Variants in GFRA1 observed in about 807,000 individuals in gnomAD.
GFRA1 encodes the protein GDNF family receptor alpha 1.
Under a neutral mutation model 51.6 loss-of-function variants are expected in GFRA1, and 16 were observed. That is an observed-to-expected ratio of 0.31 (90% CI 0.21 to 0.47). The LOEUF (loss-of-function observed/expected upper bound fraction) is 0.47, where lower values mean the gene tolerates loss of function less well. Ranked by LOEUF, GFRA1 falls within the 20% of genes least tolerant of loss-of-function variation. The pLI, the probability that GFRA1 is intolerant of heterozygous loss-of-function variation, is 1.00. For synonymous variants in GFRA1, 270 were observed against 241.3 expected, an observed-to-expected ratio of 1.12 and a Z score of -1.10; for missense variants, 530 against 594.3, an observed-to-expected ratio of 0.89 and a Z score of 1.13.
At chr10:116,197,223 C>G (rs1303403244) in intron 5 of GFRA1, among the ~76,000 whole-genome samples, 1 of 152,052 alleles carries the variant, frequency 6.6e-6, no homozygotes, top group Admixed American at 6.6e-5. Flanking sequence ...GAAGCAGAGC[C>G]TTCAGGAATG....
intron 5 of GFRA1, among the ~76,000 whole-genome samples, chr10:116,143,370 T>TAC (rs1352209984): frequency 6.6e-6 from 1 of 151,014 alleles, no homozygotes; most frequent in Non-Finnish European, 1.5e-5. Flanking sequence ...TTGAAGACTC[T>TAC]ACTACAGAGG....
chr10:116,065,429 G>T, intron 10 of GFRA1, 144 bp downstream of exon 10: 1 of 702,088 alleles, frequency 1.4e-6, no homozygotes, highest in Non-Finnish European at 2.6e-6. Flanking sequence ...TGCTCAAAGG[G>T]CAGACGGTCA....
At chr10:116,185,895 A>T (rs957266971) in intron 5 of GFRA1, among the ~76,000 whole-genome samples, 1 of 152,230 alleles carries the variant, frequency 6.6e-6, no homozygotes, top group Non-Finnish European at 1.5e-5. Flanking sequence ...GACTGGATTG[A>T]TATCTAGGCA....
At chr10:116,117,452 T>G (rs1043396708) in intron 6 of GFRA1, among the ~76,000 whole-genome samples, 1 of 151,390 alleles carries the variant, frequency 6.6e-6, no homozygotes, top group South Asian at 2.1e-4. Context: ...TGACTGTGTG[T>G]GTGCTTGCCT....
chr10:116,069,151 T>C (rs1057179622), intron 9 of GFRA1, among the ~76,000 whole-genome samples: 1 of 152,192 alleles, frequency 6.6e-6, no homozygotes, highest in Admixed American at 6.5e-5. Context: ...CACCATGCCT[T>C]ACAGTTTGTG....
chr10:116,161,189 A>G (rs559769098), intron 5 of GFRA1, among the ~76,000 whole-genome samples: 1 of 152,214 alleles, frequency 6.6e-6, no homozygotes, highest in South Asian at 2.1e-4. Flanking sequence ...ATCTTGAAGC[A>G]CAGTCTGGGA....
At chr10:116,120,459 C>T (rs1957597492) in intron 6 of GFRA1, among the ~76,000 whole-genome samples, 1 of 152,058 alleles carries the variant, frequency 6.6e-6, no homozygotes, top group African/African-American at 2.4e-5. Context: ...GTAGCATGCA[C>T]CTGTAGTCCC....
chr10:116,238,280 A>G (rs1384710526), intron 4 of GFRA1, among the ~76,000 whole-genome samples: 1 of 152,096 alleles, frequency 6.6e-6, no homozygotes, highest in African/African-American at 2.4e-5. Flanking sequence ...CTGCCAGGTA[A>G]CCTCCCAGTG....
Position 116,244,174 on chromosome 10 carries a change from A to G in GFRA1, c.418+25329T>C, listed in dbSNP as rs1565675854. ...AGATATGGGAGAATCTTTCAGATTGATCTATTACGGATCTATTGATCTATT... is the reference window on the plus strand; with the variant it reads ...AGATATGGGAGAATCTTTCAGATTGGTCTATTACGGATCTATTGATCTATT... On this transcript the variant is annotated intron_variant, in intron 4 of 10. Coordinates refer to ENST00000355422, the MANE Select transcript of GFRA1 (RefSeq NM_005264.8). Among the ~76,000 whole-genome samples, 4 of 144,678 alleles carry G rather than the reference A, an allele frequency of 2.8e-5. No homozygotes were observed. The South Asian group carries it at 8.5e-4, about 31-fold the overall frequency. The allele number at this position is 144,678 out of a possible 152,430, so 94.9% of individuals were successfully genotyped here.
chr10:116,255,173 G>C (rs767256112), intron 4 of GFRA1, among the ~76,000 whole-genome samples: 46 of 152,236 alleles, frequency 3.0e-4, no homozygotes, highest in African/African-American at 1.1e-3. Flanking sequence ...AACAAATGTC[G>C]ACAAGATATA....
intron 9 of GFRA1, among the ~76,000 whole-genome samples, chr10:116,087,870 T>G (rs1956162383): frequency 6.6e-6 from 1 of 152,160 alleles, no homozygotes; most frequent in South Asian, 2.1e-4. Flanking sequence ...GCTCTGAAAC[T>G]CGGCCTCGCT....
intron 8 of GFRA1, among the ~76,000 whole-genome samples, chr10:116,091,081 G>A (rs979683028): frequency 6.6e-6 from 1 of 152,166 alleles, no homozygotes; most frequent in Non-Finnish European, 1.5e-5. Context: ...ATGCCCAGAA[G>A]AACCACCACT....
At chr10:116,212,235 T>C (rs555420853) in intron 4 of GFRA1, among the ~76,000 whole-genome samples, 4 of 152,032 alleles carry the variant, frequency 2.6e-5, no homozygotes, top group Non-Finnish European at 5.9e-5. Context: ...AACACACATC[T>C]AGGGCCAGGC....
intron 4 of GFRA1, among the ~76,000 whole-genome samples, chr10:116,243,448 G>A (rs959729096): frequency 9.9e-5 from 15 of 151,654 alleles, no homozygotes; most frequent in African/African-American, 2.9e-4. Context: ...TATGGTAACC[G>A]GAAATGATAC....
Position 116,064,474 on chromosome 10 carries a change from C to T in GFRA1, c.1322G>A (p.Ser441Asn). 6.2e-7 allele frequency: 1 copy of T among 1,613,392 alleles called. No homozygotes were observed. Among genetic ancestry groups the T allele is most frequent in the Non-Finnish European group, 8.5e-7 (1 of 1,179,642 alleles). Residue 441 changes from serine (S) to asparagine (N), a missense_variant, in exon 11 of 11, where the codon AGC (serine) becomes AAC (asparagine). Coordinates refer to ENST00000355422, the MANE Select transcript of GFRA1 (RefSeq NM_005264.8). Reference protein sequence around the residue: ...ITTKSMAAPPSCGLSPLLVLV... With the variant: ...ITTKSMAAPPNCGLSPLLVLV... ...GACCAGCAGTGGGCTCAGACCACAG[C>T]TTGGAGGAGCAGCCATTGATTTTGT... is the stretch of plus-strand genomic sequence containing the variant.
intron 3 of GFRA1, among the ~76,000 whole-genome samples, chr10:116,269,911 G>T (rs560019341): frequency 3.9e-5 from 6 of 152,152 alleles, no homozygotes; most frequent in Non-Finnish European, 8.8e-5. Context: ...TTGCCTCCAG[G>T]AGCCAATGGA....
chr10:116,254,518 AAG>A (rs1491042373), intron 4 of GFRA1, among the ~76,000 whole-genome samples: 5 of 144,932 alleles, frequency 3.4e-5, no homozygotes, highest in Admixed American at 6.9e-5. Context: ...TAAAAAAAAA[AAG>A]AAGAAGAAAA....
rs1954693160 is a variant in GFRA1 at position 116,059,398 on chromosome 10, C to G, written c.*5000G>C. The G allele has an allele frequency of 6.6e-6, 1 of 152,252 alleles. No homozygotes were observed. The highest frequency in any genetic ancestry group is 1.5e-5 in the Non-Finnish European group (1 of 68,080). 9.4% of individuals were successfully genotyped at this position (152,252 alleles called of 1,614,324 possible). ...AGAGAAGAAAATCAGAGAAAACCTT[C>G]TATTGATGCCGGTGCTGGGCTTGGC... On this transcript the variant is annotated 3_prime_UTR_variant, in exon 11 of 11. Transcript: ENST00000355422.
intron 5 of GFRA1, among the ~76,000 whole-genome samples, chr10:116,207,780 A>G (rs1328936590): frequency 2.0e-5 from 3 of 152,158 alleles, no homozygotes; most frequent in African/African-American, 7.2e-5. Flanking sequence ...AGTCATGGGC[A>G]CAAGACCCTC....
Sources: gnomAD v4.1 joint callset for allele counts (sites outside exome capture counted in the v4.1 genomes callset) on GRCh38, gnomAD v4.1.1 for gene constraint, MANE v1.5 for transcripts, NCBI Gene and HGNC (gene_info 2026-07-23, HGNC 2026-07-21) for gene names.